FGD5: variants seen among roughly 807,000 people sequenced by gnomAD.
FGD5 encodes the protein FYVE, RhoGEF and PH domain-containing protein 5.
In FGD5, 28 loss-of-function variants were observed where a neutral mutation model predicts 133.4. The observed-to-expected ratio is 0.21, with a 90% CI of 0.16 to 0.29. The LOEUF (loss-of-function observed/expected upper bound fraction) is 0.29, where lower values mean the gene tolerates loss of function less well. FGD5 is among the 10% of genes least tolerant of loss of function. FGD5 has a pLI of 1.00. For synonymous variants in FGD5, 810 were observed against 776.5 expected (o/e 1.04, Z -0.72); for missense variants, 1,858 against 1,895.2 (o/e 0.98, Z 0.36).
At position 14,933,323 on chromosome 3, in the gene FGD5, T is replaced by G. The variant is rs1167889796; in HGVS notation, c.*156T>G. 1 of 732,340 alleles carries G rather than the reference T, an allele frequency of 1.4e-6. No homozygotes were observed. Among genetic ancestry groups the G allele is most frequent in the Non-Finnish European group, 2.4e-6 (1 of 421,814 alleles). The allele number at this position is 732,340 out of a possible 1,614,324, so 45.4% of individuals were successfully genotyped here. A position where few individuals can be genotyped will look rare whatever the true frequency, so the allele number is the denominator to read the frequency against. On this transcript the variant is annotated 3_prime_UTR_variant, in exon 20 of 20. Transcript: ENST00000285046. ...TAACCGCCCCACCACTCCCCTGCCC[T>G]TGCCAACATCTTCATGAATGGAATC...
chr3:14,851,818 A>T (rs936414306), intron 1 of FGD5, among the ~76,000 whole-genome samples: 4 of 152,158 alleles, frequency 2.6e-5, no homozygotes, highest in African/African-American at 9.7e-5. Flanking sequence ...GGCTAGGAAA[A>T]ATAGTGTTTG....
At chr3:14,851,055 A>T (rs1031090353) in intron 1 of FGD5, among the ~76,000 whole-genome samples, 3 of 152,108 alleles carry the variant, frequency 2.0e-5, no homozygotes, top group African/African-American at 7.2e-5. Context: ...TATTTTACAG[A>T]TGGGGAAACT....
chr3:14,898,923 A>G, intron 7 of FGD5, 97 bp downstream of exon 7: 4 of 1,099,962 alleles, frequency 3.6e-6, no homozygotes, highest in Admixed American at 2.1e-5. Flanking sequence ...GCCTCTGACC[A>G]TGTCAGGCAG....
chr3:14,814,778 C>T (rs1349841273), upstream of FGD5, among the ~76,000 whole-genome samples: 6 of 152,210 alleles, frequency 3.9e-5, no homozygotes, highest in African/African-American at 1.2e-4. Flanking sequence ...TTGACCCGTG[C>T]AAACTGAAAT....
Position 14,820,056 on chromosome 3 carries a change from C to T in FGD5, c.985C>T (p.Pro329Ser). Residue 329 changes from proline (P) to serine (S), a missense_variant, in exon 1 of 20, where the codon CCT (proline) becomes TCT (serine). Pro to Ser is a moderately conservative substitution (Grantham distance 74). Transcript: ENST00000285046. ...ESAEESCQIV[P>S]FENDCMEDFV... ...CGCCGAGGAGAGCTGCCAGATTGTC[C>T]CTTTTGAGAATGACTGCATGGAGGA... The T allele has an allele frequency of 6.2e-7, 1 of 1,614,020 alleles. No individual in the cohort carries two copies.
rs771750315 is a variant in FGD5 at position 14,922,427 on chromosome 3, G to A, written c.3686G>A (p.Gly1229Glu). ...TTGCTGCAGATACGAGAGAGGCTGG[G>A]GGTTAGCCTTGGGGAGAGGCCCCCC... is the stretch of plus-strand genomic sequence containing the variant. ...HHSVEIRERL[G>E]VSLGERPPTL... Residue 1229 changes from glycine (G) to glutamate (E), a missense_variant, in exon 15 of 20, where the codon GGG (glycine) becomes GAG (glutamate). Gly to Glu is a moderately conservative substitution (Grantham distance 98). Coordinates refer to ENST00000285046, the MANE Select transcript of FGD5 (RefSeq NM_152536.4). This position sits in a 1 kb window ranked among gnomAD's most constrained non-coding sequence, Gnocchi z 4.1. The A allele has an allele frequency of 4.5e-6, 7 of 1,568,658 alleles. No individual in the cohort carries two copies. The African/African-American group carries it at 9.5e-5, about 21-fold the overall frequency.
intron 8 of FGD5, 33 bp downstream of exon 8, chr3:14,900,486 CA>C: frequency 6.2e-7 from 1 of 1,609,386 alleles, no homozygotes; most frequent in East Asian, 2.2e-5. Context: ...GGGAGGTACT[CA>C]AGCCTGCTCT....
chr3:14,901,928 G>A (rs890542200), intron 9 of FGD5, among the ~76,000 whole-genome samples: 1 of 152,180 alleles, frequency 6.6e-6, no homozygotes, highest in Non-Finnish European at 1.5e-5. Flanking sequence ...TAGATGTCAT[G>A]GGAGAGAATG....
chr3:14,848,029 C>T (rs1467533250), intron 1 of FGD5, among the ~76,000 whole-genome samples: 1 of 152,168 alleles, frequency 6.6e-6, no homozygotes, highest in Non-Finnish European at 1.5e-5. Context: ...TGTTGCCGGG[C>T]TCTGTCAGCC....
At chr3:14,812,024 G>GTGTGTGTGTA (rs1219392295) in intron 1 of FGD5, among the ~76,000 whole-genome samples, 3 of 96,122 alleles carry the variant, frequency 3.1e-5, no homozygotes, top group African/African-American at 1.0e-4. Flanking sequence ...GTGTGTGTGT[G>GTGTGTGTGTA]TGTGTGTATG....
chr3:14,876,910 C>G (rs2037731001), intron 2 of FGD5, among the ~76,000 whole-genome samples: 1 of 152,228 alleles, frequency 6.6e-6, no homozygotes, highest in South Asian at 2.1e-4. Context: ...TTCCCTGGAC[C>G]CCTCCCGACC....
chr3:14,871,685 T>G (rs1315216045), intron 2 of FGD5, among the ~76,000 whole-genome samples: 1 of 152,128 alleles, frequency 6.6e-6, no homozygotes, highest in Non-Finnish European at 1.5e-5. Flanking sequence ...TCACACGCCT[T>G]GCTGAGGTCC....
intron 7 of FGD5, 36 bp downstream of exon 7, chr3:14,898,862 G>T: frequency 6.5e-7 from 1 of 1,541,424 alleles, no homozygotes; most frequent in Non-Finnish European, 8.8e-7. Flanking sequence ...GACTGAGGCG[G>T]CAGGGCAGGG....
chr3:14,924,121 C>T lies in FGD5; in HGVS notation c.4051C>T (p.Pro1351Ser), dbSNP rs761749889. 10 of 1,613,838 alleles carry T rather than the reference C, an allele frequency of 6.2e-6. No homozygotes were observed. Among genetic ancestry groups the T allele is most frequent in the African/African-American group, 1.3e-5 (1 of 74,902 alleles). Residue 1351 changes from proline (P) to serine (S), a missense_variant, in exon 17 of 20, where the codon CCT becomes TCT. Physicochemically the swap from Pro to Ser is moderately conservative, Grantham distance 74. Around this residue, in one of 3 missense-constraint regions of FGD5, gnomAD observed 1,824 missense variants for 1,848.9 expected, o/e 0.99. Coordinates refer to ENST00000285046, the MANE Select transcript of FGD5 (RefSeq NM_152536.4). ...PSTFKKQKKV[P>S]SALTEVAASG... is the part of the protein sequence containing the mutation. ...GACCTTCAAGAAGCAGAAGAAAGTC[C>T]CTTCAGCCCTGACAGAGGTAAAGCA...
intron 1 of FGD5, among the ~76,000 whole-genome samples, chr3:14,838,234 TGGCG>T (rs1244583082): frequency 6.6e-6 from 1 of 150,990 alleles, no homozygotes; most frequent in Non-Finnish European, 1.5e-5. Flanking sequence ...TCTCCAGTAA[TGGCG>T]GGTTGTGAGT....
chr3:14,866,351 AG>A (rs1399464120), intron 2 of FGD5, among the ~76,000 whole-genome samples: 1 of 152,164 alleles, frequency 6.6e-6, no homozygotes, highest in East Asian at 1.9e-4. Flanking sequence ...GAGTATGGAA[AG>A]AGAGGGCCTG....
chr3:14,833,652 A>G (rs78963933), intron 1 of FGD5, among the ~76,000 whole-genome samples: 4 of 152,248 alleles, frequency 2.6e-5, no homozygotes, highest in East Asian at 1.9e-4. Context: ...TACTGCCTCA[A>G]TGATCCCTGA....
intron 11 of FGD5, among the ~76,000 whole-genome samples, chr3:14,916,042 T>C (rs1300552909): frequency 2.0e-5 from 3 of 152,262 alleles, no homozygotes; most frequent in Admixed American, 1.3e-4. Flanking sequence ...CTGGTTGATG[T>C]TGGTGTCATG....
At chr3:14,897,886 G>A (rs1217893770) in intron 5 of FGD5, 53 bp from the exon 6 acceptor site, 8 of 1,607,502 alleles carry the variant, frequency 5.0e-6, no homozygotes, top group Non-Finnish European at 6.8e-6. Context: ...TTCTAACCCT[G>A]CGTTGGTTAC....
Sources: allele counts gnomAD v4.1 joint callset (sites outside exome capture counted in the v4.1 genomes callset), GRCh38; gene constraint gnomAD v4.1.1; regional missense constraint gnomAD v4.1.1; non-coding constraint Gnocchi (gnomAD v3.1); transcripts MANE v1.5; gene names NCBI Gene and HGNC (gene_info 2026-07-23, HGNC 2026-07-21).